Variants in ASPRV1 observed in about 807,000 individuals in gnomAD.
ASPRV1 encodes the protein aspartic peptidase retroviral like 1, also known as retroviral-like aspartic protease 1.
ASPRV1 carries 7 observed loss-of-function variants against 11.0 expected under a neutral mutation model. That is an observed-to-expected ratio of 0.64 (90% CI 0.36 to 1.20). The LOEUF is 1.20. Ranked by LOEUF, ASPRV1 falls within the 50% of genes most tolerant of loss-of-function variation. ASPRV1 has a pLI of 0.02. For synonymous variants in ASPRV1, 136 were observed against 138.4 expected (o/e 0.98, Z 0.12); for missense variants, 299 against 320.0 (o/e 0.93, Z 0.50).
chr2:70,040,704 G>A, the ASPRV1 span, among the ~76,000 whole-genome samples: 2 of 152,168 alleles, frequency 1.3e-5, no homozygotes, highest in Admixed American at 6.5e-5. Flanking sequence ...CGCAGTGGCA[G>A]GCCCCTGTAA....
chr2:70,074,863 T>C, the ASPRV1 span, among the ~76,000 whole-genome samples: 157 of 151,304 alleles, frequency 1.0e-3, no homozygotes, highest in African/African-American at 3.6e-3. Flanking sequence ...ACGCCTATAA[T>C]CCCAGCACTT....
At chr2:70,059,481 C>T in the ASPRV1 span, among the ~76,000 whole-genome samples, 3 of 151,952 alleles carry the variant, frequency 2.0e-5, no homozygotes, top group Non-Finnish European at 4.4e-5. Context: ...CAGACGTCCC[C>T]AACCTTTTTG....
At chr2:70,083,399 A>T in the ASPRV1 span, 1 of 152,242 alleles carries the variant, frequency 6.6e-6, no homozygotes, top group East Asian at 1.9e-4. Flanking sequence ...AAGCACTCTG[A>T]AAGGTTTTAC....
At chr2:70,017,363 A>C in the ASPRV1 span, among the ~76,000 whole-genome samples, 1 of 152,198 alleles carries the variant, frequency 6.6e-6, no homozygotes, top group Admixed American at 6.5e-5. Flanking sequence ...ACTCTCAATA[A>C]ATTAGGCACA....
chr2:69,987,976 G>A, the ASPRV1 span, among the ~76,000 whole-genome samples: 1 of 152,206 alleles, frequency 6.6e-6, no homozygotes, highest in Non-Finnish European at 1.5e-5. Flanking sequence ...TAGTCTCCGG[G>A]GGTGCACCCG....
chr2:69,939,010 T>C, the ASPRV1 span: 1 of 152,644 alleles, frequency 6.6e-6, no homozygotes, highest in African/African-American at 2.4e-5. Flanking sequence ...GGGACCTCGC[T>C]GTGTTCTGCT....
upstream of ASPRV1, chr2:69,964,299 G>A (rs761215260): frequency 2.4e-5 from 11 of 449,278 alleles, no homozygotes; most frequent in African/African-American, 6.0e-5. Context: ...ATGGCCCTTC[G>A]GGCTGTGTCT....
chr2:70,024,106 C>T, the ASPRV1 span, among the ~76,000 whole-genome samples: 3 of 145,938 alleles, frequency 2.1e-5, no homozygotes, highest in Non-Finnish European at 3.0e-5. Context: ...AAAAAAAAGG[C>T]TAAAGTATTA....
chr2:69,993,407 A>C, the ASPRV1 span: 3 of 152,260 alleles, frequency 2.0e-5, no homozygotes, highest in African/African-American at 4.8e-5. Flanking sequence ...TTTATTCACA[A>C]ACTCATGTGG....
the ASPRV1 span, among the ~76,000 whole-genome samples, chr2:69,985,932 A>T: frequency 6.6e-6 from 1 of 152,220 alleles, no homozygotes. Context: ...GCATTGTGCA[A>T]TCACAGTTGG....
the ASPRV1 span, chr2:70,011,822 G>A: frequency 6.6e-6 from 1 of 152,488 alleles, no homozygotes. Flanking sequence ...GACGAAACAA[G>A]AAGAATGCCA....
chr2:70,000,913 A>G, the ASPRV1 span, among the ~76,000 whole-genome samples: 2 of 152,134 alleles, frequency 1.3e-5, no homozygotes, highest in Non-Finnish European at 2.9e-5. Flanking sequence ...TCCAAGTAAT[A>G]AAAAGAGAAA....
At chr2:69,944,483 C>G in the ASPRV1 span, among the ~76,000 whole-genome samples, 9 of 152,176 alleles carry the variant, frequency 5.9e-5, no homozygotes, top group African/African-American at 1.9e-4. Flanking sequence ...GGTAAGGAAG[C>G]TGAGGGAGAG....
chr2:70,063,791 G>A, the ASPRV1 span: 1 of 152,076 alleles, frequency 6.6e-6, no homozygotes, highest in African/African-American at 2.4e-5. Flanking sequence ...TCCAAAAGCT[G>A]GTTCCAAACT....
chr2:70,026,177 G>C, the ASPRV1 span, among the ~76,000 whole-genome samples: 2 of 152,174 alleles, frequency 1.3e-5, no homozygotes, highest in African/African-American at 4.8e-5. Context: ...AAATTAGTCA[G>C]TCATGATGGC....
the ASPRV1 span, among the ~76,000 whole-genome samples, chr2:70,017,793 G>T: frequency 6.6e-6 from 1 of 151,952 alleles, no homozygotes; most frequent in Admixed American, 6.6e-5. Flanking sequence ...CAATAACAAC[G>T]AACTATCAAA....
chr2:69,976,632 G>C, the ASPRV1 span: 1 of 152,186 alleles, frequency 6.6e-6, no homozygotes, highest in Non-Finnish European at 1.5e-5. Flanking sequence ...CCTAAGTCAT[G>C]AGCCTTCAAG....
At chr2:69,999,711 T>C in the ASPRV1 span, among the ~76,000 whole-genome samples, 2 of 132,382 alleles carry the variant, frequency 1.5e-5, no homozygotes, top group East Asian at 2.4e-4. Flanking sequence ...GTGATCCAAA[T>C]ACCAGTGACT....
chr2:70,031,096 A>G, the ASPRV1 span: 8 of 152,288 alleles, frequency 5.3e-5, no homozygotes, highest in East Asian at 7.7e-4. Flanking sequence ...TTAGGACTCC[A>G]GGGTTCTTTT....
Sources: allele counts gnomAD v4.1 joint callset (sites outside exome capture counted in the v4.1 genomes callset), GRCh38; gene constraint gnomAD v4.1.1; transcripts MANE v1.5; gene names NCBI Gene and HGNC (gene_info 2026-07-23, HGNC 2026-07-21).